IDE: variants seen among roughly 807,000 people sequenced by gnomAD.
IDE encodes the protein insulin-degrading enzyme.
In IDE, 58 loss-of-function variants were observed where a neutral mutation model predicts 133.2. That is an observed-to-expected ratio of 0.44 (90% confidence interval 0.35 to 0.54). The LOEUF (loss-of-function observed/expected upper bound fraction) is 0.54, where lower values mean the gene tolerates loss of function less well. Among genes scored for constraint, IDE ranks in the 20% least tolerant of loss-of-function variants. The pLI, the probability that IDE is intolerant of heterozygous loss-of-function variation, is 0.00. For synonymous variants in IDE, 396 were observed against 421.3 expected (o/e 0.94, Z 0.73); for missense variants, 981 against 1,234.0 (o/e 0.79, Z 3.07).
intron 1 of IDE, among the ~76,000 whole-genome samples, chr10:92,560,866 T>C (rs551295627): frequency 6.6e-6 from 1 of 152,138 alleles, no homozygotes; most frequent in Non-Finnish European, 1.5e-5. Flanking sequence ...TCCACTTACT[T>C]TCCTAGAAGC....
At chr10:92,478,706 G>A (rs1476935976) in intron 15 of IDE, 3 of 1,282,272 alleles carry the variant, frequency 2.3e-6, no homozygotes. Context: ...TGCTGCATAT[G>A]TATACTCTTT....
Position 92,574,087 on chromosome 10 carries a change from T to C in IDE, c.-68A>G, listed in dbSNP as rs1367914635. The stretch of plus-strand genomic sequence containing the variant: ...TGCGCTTCGAGCCGGCCCTGCGCAC[T>C]GCGCATGCTCTAGCCGCGGCGCCGC... On this transcript the variant is annotated 5_prime_UTR_variant, in exon 1 of 25. Coordinates refer to ENST00000265986, the MANE Select transcript of IDE (RefSeq NM_004969.4). 1 of 1,288,240 alleles carries C rather than the reference T, an allele frequency of 7.8e-7. No individual in the cohort carries two copies. Among genetic ancestry groups the C allele is most frequent in the East Asian group, 2.9e-5 (1 of 34,820 alleles). 79.8% of individuals were successfully genotyped at this position (1,288,240 alleles called of 1,614,324 possible). A position where few individuals can be genotyped will look rare whatever the true frequency, so the allele number is the denominator to read the frequency against.
At chr10:92,566,258 GCCCCAGCTA>G (rs1843541994) in intron 1 of IDE, among the ~76,000 whole-genome samples, 1 of 151,542 alleles carries the variant, frequency 6.6e-6, no homozygotes. Context: ...CCAGCTACTA[GCCCCAGCTA>G]CCCAGGAAAC....
At chr10:92,540,577 A>T in intron 1 of IDE, among the ~76,000 whole-genome samples, 1 of 152,146 alleles carries the variant, frequency 6.6e-6, no homozygotes, top group East Asian at 1.9e-4. Context: ...TCTTCTGGTG[A>T]TAGTTATACT....
intron 17 of IDE, among the ~76,000 whole-genome samples, chr10:92,470,586 T>TA (rs1308023441): frequency 6.6e-6 from 1 of 152,228 alleles, no homozygotes; most frequent in South Asian, 2.1e-4. Context: ...TCTTTTTTTT[T>TA]ATTCCAGGAT....
chr10:92,532,141 G>A (rs1405823185), intron 3 of IDE, among the ~76,000 whole-genome samples: 1 of 151,778 alleles, frequency 6.6e-6, no homozygotes, highest in Non-Finnish European at 1.5e-5. Flanking sequence ...ATCTACCCCA[G>A]AGATGATAAA....
At chr10:92,493,466 A>G (rs1012749985) in intron 11 of IDE, among the ~76,000 whole-genome samples, 37 of 151,970 alleles carry the variant, frequency 2.4e-4, no homozygotes, top group African/African-American at 8.0e-4. Flanking sequence ...GCCCTCTGAA[A>G]CAAGAAAACC....
intron 11 of IDE, among the ~76,000 whole-genome samples, chr10:92,493,459 C>G (rs895737616): frequency 6.6e-6 from 1 of 150,936 alleles, no homozygotes; most frequent in Non-Finnish European, 1.5e-5. Flanking sequence ...TGGACTTGCC[C>G]TCTGAAACAA....
At position 92,574,047 on chromosome 10, in the gene IDE, C is replaced by T. The variant is rs916343159; in HGVS notation, c.-28G>A. 4 of 1,485,762 alleles carry T rather than the reference C, an allele frequency of 2.7e-6. No individual in the cohort carries two copies. In the African/African-American group the frequency reaches 4.4e-5, roughly 16 times the overall value. 92.0% of individuals were successfully genotyped at this position (1,485,762 alleles called of 1,614,324 possible). A position where few individuals can be genotyped will look rare whatever the true frequency, so the allele number is the denominator to read the frequency against. On this transcript the variant is annotated 5_prime_UTR_variant, in exon 1 of 25. Transcript: ENST00000265986. ...GCCAGCGCAGTCGCCGGGATCACCG[C>T]AAACGCTTCCTGCTTGCGCTTCGAG...
chr10:92,555,279 C>T (rs1343629788), intron 1 of IDE, among the ~76,000 whole-genome samples: 2 of 151,988 alleles, frequency 1.3e-5, no homozygotes, highest in African/African-American at 4.8e-5. Flanking sequence ...GGGGGGATCA[C>T]CAGAGGCCAG....
intron 14 of IDE, among the ~76,000 whole-genome samples, chr10:92,480,028 G>A: frequency 6.6e-6 from 1 of 151,820 alleles, no homozygotes; most frequent in African/African-American, 2.4e-5. Flanking sequence ...CCAAAACTAG[G>A]GAAAAATAAA....
chr10:92,481,314 C>T (rs1298985144), intron 14 of IDE, among the ~76,000 whole-genome samples: 1 of 152,152 alleles, frequency 6.6e-6, no homozygotes, highest in Non-Finnish European at 1.5e-5. Context: ...AGGTGGCATA[C>T]GCCTGTAGTC....
chr10:92,529,947 C>A (rs1487877355), intron 4 of IDE, among the ~76,000 whole-genome samples: 5 of 152,118 alleles, frequency 3.3e-5, no homozygotes, highest in Non-Finnish European at 4.4e-5. Flanking sequence ...AAATAATCGC[C>A]AGGCGCAGTG....
intron 20 of IDE, among the ~76,000 whole-genome samples, chr10:92,465,406 C>T (rs1451887669): frequency 6.6e-6 from 1 of 152,168 alleles, no homozygotes; most frequent in Non-Finnish European, 1.5e-5. Context: ...ATAAGCTTGT[C>T]CTTAGTATCC....
intron 1 of IDE, among the ~76,000 whole-genome samples, chr10:92,541,597 T>C (rs1418081392): frequency 1.3e-5 from 2 of 152,218 alleles, no homozygotes; most frequent in Admixed American, 6.5e-5. Flanking sequence ...TCTAGGGACA[T>C]TGTCATACAC....
At chr10:92,504,141 A>G (rs1848173326) in intron 11 of IDE, among the ~76,000 whole-genome samples, 1 of 152,156 alleles carries the variant, frequency 6.6e-6, no homozygotes, top group Non-Finnish European at 1.5e-5. Context: ...ATACTTCCCT[A>G]ACAGAGGAGA....
intron 12 of IDE, among the ~76,000 whole-genome samples, chr10:92,489,165 T>C (rs573623759): frequency 6.6e-6 from 1 of 152,258 alleles, no homozygotes; most frequent in Non-Finnish European, 1.5e-5. Context: ...ATTTCTTAAG[T>C]GGTATCTTAG....
intron 1 of IDE, among the ~76,000 whole-genome samples, chr10:92,560,301 C>T (rs1273514415): frequency 1.3e-5 from 2 of 152,190 alleles, no homozygotes; most frequent in Non-Finnish European, 2.9e-5. Context: ...CCAGTGTCAA[C>T]GTTCCTATCT....
In IDE at chr10:92,484,732, CA is replaced by C. The variant is rs149753278; in HGVS notation, c.1657-1396del. Among the ~76,000 whole-genome samples the C allele has an allele frequency of 5.5e-3, 736 of 134,974 alleles. 6 individuals carry two copies. Among genetic ancestry groups the C allele is most frequent in the Non-Finnish European group, 8.5e-3 (532 of 62,604 alleles). The allele number at this position is 134,974 out of a possible 152,430, so 88.5% of individuals were successfully genotyped here. A position where few individuals can be genotyped will look rare whatever the true frequency, so the allele number is the denominator to read the frequency against. On this transcript the variant is annotated intron_variant, in intron 13 of 24. Coordinates refer to ENST00000265986, the MANE Select transcript of IDE (RefSeq NM_004969.4). ...TAGGCAACGGAGAGAGACTCTGTCT[CA>C]AAAAAAAAAAGAAAGAAAGAAAAAA...
Sources: allele counts gnomAD v4.1 joint callset (sites outside exome capture counted in the v4.1 genomes callset), GRCh38; gene constraint gnomAD v4.1.1; transcripts MANE v1.5; gene names NCBI Gene and HGNC (gene_info 2026-07-23, HGNC 2026-07-21).